NSUN6: variants seen among roughly 807,000 people sequenced by gnomAD.
The protein encoded by NSUN6 is NOP2/Sun RNA methyltransferase 6.
A neutral mutation model predicts 58.0 loss-of-function variants in NSUN6; 64 were observed. The ratio of observed to expected loss-of-function variants is 1.10; its 90% confidence interval spans 0.90 to 1.36. NSUN6 has a LOEUF of 1.36. Ranked by LOEUF, NSUN6 falls within the 40% of genes most tolerant of loss-of-function variation. The pLI, the probability that NSUN6 is intolerant of heterozygous loss-of-function variation, is 0.00. For synonymous variants in NSUN6, 231 were observed against 193.9 expected (o/e 1.19, Z -1.59); for missense variants, 701 against 550.1 (o/e 1.27, Z -2.74).
chr10:18,577,869 A>G (rs1441025632), intron 8 of NSUN6, among the ~76,000 whole-genome samples: 4 of 152,098 alleles, frequency 2.6e-5, no homozygotes, highest in Non-Finnish European at 4.4e-5. Flanking sequence ...AAATTAGCCA[A>G]CCGGAATTAG....
chr10:18,567,640 C>A, intron 8 of NSUN6, among the ~76,000 whole-genome samples: 1 of 150,754 alleles, frequency 6.6e-6, no homozygotes, highest in Non-Finnish European at 1.5e-5. Context: ...ATTCCATTCT[C>A]CATTCCATTC....
intron 7 of NSUN6, among the ~76,000 whole-genome samples, chr10:18,586,340 T>C (rs936473462): frequency 6.6e-6 from 1 of 151,994 alleles, no homozygotes; most frequent in African/African-American, 2.4e-5. Context: ...TTACAGTTCT[T>C]AAAGACGTTG....
At chr10:18,626,171 C>A (rs1310091883) in intron 3 of NSUN6, among the ~76,000 whole-genome samples, 2 of 151,642 alleles carry the variant, frequency 1.3e-5, no homozygotes, top group Non-Finnish European at 2.9e-5. Context: ...GGACCGAAAG[C>A]AAACACTGCA....
intron 3 of NSUN6, among the ~76,000 whole-genome samples, chr10:18,627,086 T>C (rs1331114632): frequency 6.6e-6 from 1 of 152,202 alleles, no homozygotes; most frequent in Non-Finnish European, 1.5e-5. Flanking sequence ...AAGTCTGGCA[T>C]TCAGTTTTCT....
chr10:18,587,989 C>T (rs2057233258), intron 7 of NSUN6, among the ~76,000 whole-genome samples: 1 of 152,114 alleles, frequency 6.6e-6, no homozygotes, highest in African/African-American at 2.4e-5. Context: ...TCAGTAGGTC[C>T]CACTGTCACG....
chr10:18,555,119 G>A (rs1011810920), intron 8 of NSUN6, among the ~76,000 whole-genome samples: 1 of 147,764 alleles, frequency 6.8e-6, no homozygotes, highest in East Asian at 2.0e-4. Flanking sequence ...TGGCATGAAA[G>A]GAAATGGAGA....
intron 3 of NSUN6, among the ~76,000 whole-genome samples, chr10:18,628,093 G>T (rs192400349): frequency 6.6e-6 from 1 of 152,166 alleles, no homozygotes; most frequent in African/African-American, 2.4e-5. Context: ...GTGGGTCCCT[G>T]ACCCCTGACC....
chr10:18,576,266 T>C (rs1466343403), intron 8 of NSUN6, among the ~76,000 whole-genome samples: 1 of 152,094 alleles, frequency 6.6e-6, no homozygotes, highest in Non-Finnish European at 1.5e-5. Context: ...TTATACCCTA[T>C]AAGGACTTGC....
intron 7 of NSUN6, among the ~76,000 whole-genome samples, chr10:18,587,911 C>T (rs1321561288): frequency 6.6e-6 from 1 of 151,800 alleles, no homozygotes; most frequent in Non-Finnish European, 1.5e-5. Context: ...GCACCTGGAA[C>T]CCCAGTAAGA....
chr10:18,575,432 C>T (rs578211090), intron 8 of NSUN6, among the ~76,000 whole-genome samples: 50 of 152,166 alleles, frequency 3.3e-4, no homozygotes, highest in African/African-American at 9.6e-4. Context: ...ATTTCAAATG[C>T]GACAGCCAAT....
At chr10:18,641,249 T>G (rs543681732) in intron 3 of NSUN6, among the ~76,000 whole-genome samples, 3 of 152,288 alleles carry the variant, frequency 2.0e-5, no homozygotes, top group Admixed American at 2.0e-4. Flanking sequence ...CAAAAGCATT[T>G]CTATATTTAT....
In NSUN6 at chr10:18,651,062, A is replaced by G. The variant is rs1178983508; in HGVS notation, c.75+67T>C. On this transcript the variant is annotated intron_variant, in intron 1 of 10. Transcript: ENST00000377304. Reference sequence around the variant, plus strand: ...AAGATTTCCCTTTATACTTATTTCTATTTCTCTCGAGTGTGCGAATATTTG... The same window carrying G: ...AAGATTTCCCTTTATACTTATTTCTGTTTCTCTCGAGTGTGCGAATATTTG... 6 of 1,556,600 alleles carry G rather than the reference A, an allele frequency of 3.9e-6. No homozygotes were observed. In the African/African-American group the frequency reaches 4.2e-5, roughly 11 times the overall value.
chr10:18,571,414 TATTCCATTCCATTCTTC>T (rs2056354415), intron 8 of NSUN6, among the ~76,000 whole-genome samples: 1 of 150,274 alleles, frequency 6.7e-6, no homozygotes, highest in African/African-American at 2.4e-5. Flanking sequence ...TTCCATTCTC[TATTCCATTCCATTCTTC>T]ATTCCATTCC....
intron 3 of NSUN6, among the ~76,000 whole-genome samples, chr10:18,631,140 C>G (rs900816037): frequency 2.6e-5 from 4 of 152,130 alleles, no homozygotes; most frequent in African/African-American, 9.7e-5. Context: ...TAAACAGAAC[C>G]AAAGACAAAA....
At chr10:18,585,702 G>A (rs2057100745) in intron 8 of NSUN6, among the ~76,000 whole-genome samples, 2 of 152,080 alleles carry the variant, frequency 1.3e-5, no homozygotes, top group Non-Finnish European at 2.9e-5. Flanking sequence ...AGTTTCAGAT[G>A]GACGGGAGTA....
At position 18,548,231 on chromosome 10, in the gene NSUN6, G is replaced by A. The variant is rs560644972; in HGVS notation, c.1078C>T (p.Gln360Ter). 2 of 1,612,220 alleles carry A rather than the reference G, an allele frequency of 1.2e-6. No individual in the cohort carries two copies. The highest frequency in any genetic ancestry group is 3.3e-5 in the Admixed American group (2 of 59,850). The change falls in exon 10 of 11, where the codon CAG becomes TAG. Residue 360 changes from glutamine (Q) to a stop codon, truncating the protein, a stop_gained. Transcript: ENST00000377304. LOFTEE classifies it high-confidence loss of function. ...LQRKLFTAAVQLLKPEGVLVY... is the reference protein window; with the variant it reads ...LQRKLFTAAV ...AGCACACCCTCTGGCTTCAGCAGCT[G>A]AACCGCCTAAAGAAAACTGTGATCA...
At chr10:18,634,303 T>G (rs2059137160) in intron 3 of NSUN6, among the ~76,000 whole-genome samples, 2 of 152,156 alleles carry the variant, frequency 1.3e-5, no homozygotes, top group African/African-American at 4.8e-5. Flanking sequence ...TGAATAAAGA[T>G]TTAGAAGCAG....
chr10:18,599,290 G>GT, intron 6 of NSUN6, among the ~76,000 whole-genome samples: 1 of 152,152 alleles, frequency 6.6e-6, no homozygotes, highest in Non-Finnish European at 1.5e-5. Flanking sequence ...TGGGGTTGCA[G>GT]TATGTTGCCT....
At chr10:18,615,767 A>G (rs2058387176) in intron 4 of NSUN6, among the ~76,000 whole-genome samples, 1 of 152,218 alleles carries the variant, frequency 6.6e-6, no homozygotes, top group Non-Finnish European at 1.5e-5. Flanking sequence ...TATGCAACAC[A>G]GGTATGTCGC....
Sources: gnomAD v4.1 joint callset for allele counts (sites outside exome capture counted in the v4.1 genomes callset) on GRCh38, gnomAD v4.1.1 for gene constraint, MANE v1.5 for transcripts, NCBI Gene and HGNC (gene_info 2026-07-23, HGNC 2026-07-21) for gene names.